SUCO: variants seen among roughly 807,000 people sequenced by gnomAD.
SUCO encodes SUN domain containing ossification factor.
SUCO carries 57 observed loss-of-function variants against 148.1 expected under a neutral mutation model. That is an observed-to-expected ratio of 0.38 (90% CI 0.31 to 0.48). The LOEUF is 0.48. Ranked by LOEUF, SUCO falls within the 20% of genes least tolerant of loss-of-function variation. The pLI is 0.96. For missense variants in SUCO, 1,331 were observed against 1,468.2 expected, an observed-to-expected ratio of 0.91 and a Z score of 1.53; for synonymous variants, 470 against 502.7, an observed-to-expected ratio of 0.93 and a Z score of 0.87.
At chr1:172,571,258 G>A (rs943823918) in intron 9 of SUCO, among the ~76,000 whole-genome samples, 1 of 152,214 alleles carries the variant, frequency 6.6e-6, no homozygotes, top group Non-Finnish European at 1.5e-5. Flanking sequence ...ACGGGGTTTC[G>A]CTGTGTTGGC....
Position 172,588,042 on chromosome 1 carries a change from A to G in SUCO, c.1659-718A>G, listed in dbSNP as rs559121948. On this transcript the variant is annotated intron_variant, in intron 17 of 23. Coordinates refer to ENST00000263688, the MANE Select transcript of SUCO (RefSeq NM_014283.5). ...TTAATAGCAGCACTGTTAGCATATC[A>G]TAAGCCAGAATTGTTATTAAAGTGG... is the stretch of plus-strand genomic sequence containing the variant. 3.9e-5 allele frequency: 38 copies of G among 970,540 alleles called. 1 individual carries two copies. In the South Asian group the frequency reaches 1.1e-3, roughly 28 times the overall value. The allele number at this position is 970,540 out of a possible 1,614,324, so 60.1% of individuals were successfully genotyped here.
intron 1 of SUCO, among the ~76,000 whole-genome samples, chr1:172,534,144 G>C (rs1195379765): frequency 6.6e-6 from 1 of 152,096 alleles, no homozygotes; most frequent in African/African-American, 2.4e-5. Context: ...CCTTAGTGAC[G>C]GGAAGGTAAA....
upstream of SUCO, chr1:172,532,982 G>C (rs183725041): frequency 5.2e-5 from 72 of 1,389,754 alleles, 1 homozygote; most frequent in East Asian, 1.7e-3. Flanking sequence ...CCTGCGCAGA[G>C]GCTGGTGGGG....
Position 172,557,504 on chromosome 1 carries a change from C to A in SUCO, c.581+87C>A, listed in dbSNP as rs1196133855. 9 of 1,547,512 alleles carry A rather than the reference C, an allele frequency of 5.8e-6. No homozygotes were observed. The Middle Eastern group carries it at 8.6e-4, about 148-fold the overall frequency. On this transcript the variant is annotated intron_variant, in intron 5 of 23. Coordinates refer to ENST00000263688, the MANE Select transcript of SUCO (RefSeq NM_014283.5). ...AATGGACTTTGGTGTATGTTAAATT[C>A]CACTTTGATTGAGAGAAAGCTGATC...
chr1:172,555,020 A>G (rs1462022453), intron 3 of SUCO, among the ~76,000 whole-genome samples: 3 of 151,952 alleles, frequency 2.0e-5, no homozygotes, highest in African/African-American at 7.3e-5. Flanking sequence ...AATTCATCAT[A>G]GTCCTTAGTT....
chr1:172,572,333 C>T (rs1295957486), intron 9 of SUCO, among the ~76,000 whole-genome samples: 2 of 151,808 alleles, frequency 1.3e-5, no homozygotes, highest in Non-Finnish European at 1.5e-5. Flanking sequence ...ACACGGGAGA[C>T]TTTTCATTTT....
chr1:172,570,913 A>G (rs1455195139), intron 9 of SUCO, 183 bp downstream of exon 9: 6 of 483,814 alleles, frequency 1.2e-5, no homozygotes, highest in Non-Finnish European at 2.2e-5. Flanking sequence ...CACAAAAAGC[A>G]AAAAATGGCA....
intron 1 of SUCO, chr1:172,550,789 A>G (rs1368926016): frequency 6.0e-6 from 2 of 331,256 alleles, no homozygotes; most frequent in Non-Finnish European, 8.6e-6. Context: ...ACATTGATGG[A>G]TGTATAAGTT....
chr1:172,586,782 C>T (rs577438351), intron 17 of SUCO, among the ~76,000 whole-genome samples: 5 of 152,098 alleles, frequency 3.3e-5, no homozygotes, highest in African/African-American at 1.2e-4. Context: ...GAGAACTATA[C>T]TATTTCAAAA....
At chr1:172,595,318 CATT>C (rs1161650236) in intron 19 of SUCO, among the ~76,000 whole-genome samples, 2 of 152,280 alleles carry the variant, frequency 1.3e-5, no homozygotes, top group Admixed American at 6.5e-5. Flanking sequence ...GTGATCCTGT[CATT>C]ATGATGTTAG....
rs199640710 is a variant in SUCO, at chr1:172,602,146, G to A, written c.3101G>A (p.Arg1034Gln). ...LGLMLCMQRC[R>Q]NTSQFDGDYI... ...CTGATGCTTTGTATGCAGCGTTGTCGAAATACTTCTCAATTTGATGGAGAT... is the reference window on the plus strand; with the variant it reads ...CTGATGCTTTGTATGCAGCGTTGTCAAAATACTTCTCAATTTGATGGAGAT... Residue 1034 changes from arginine to glutamine, a missense_variant, in exon 21 of 24, where the codon CGA becomes CAA. Arg to Gln is a conservative substitution (Grantham distance 43). Transcript: ENST00000263688. 1.1e-5 allele frequency: 17 copies of A among 1,613,442 alleles called. No homozygotes were observed. The highest frequency in any genetic ancestry group is 1.6e-4 in the Middle Eastern group (1 of 6,066).
At chr1:172,596,159 TATTCTAGTTAGCC>T (rs1657082189) in intron 19 of SUCO, among the ~76,000 whole-genome samples, 1 of 152,248 alleles carries the variant, frequency 6.6e-6, no homozygotes, top group African/African-American at 2.4e-5. Context: ...CTATGCTGTT[TATTCTAGTTAGCC>T]ATTCGTCTAA....
At chr1:172,548,348 TAATA>T (rs1653019822) in intron 1 of SUCO, among the ~76,000 whole-genome samples, 1 of 152,004 alleles carries the variant, frequency 6.6e-6, no homozygotes, top group African/African-American at 2.4e-5. Context: ...GAAGTTTGTC[TAATA>T]CTTTCTTCAA....
chr1:172,575,460 A>G (rs1193948201), intron 10 of SUCO, 58 bp from the exon 11 acceptor site: 9 of 1,228,108 alleles, frequency 7.3e-6, no homozygotes, highest in Middle Eastern at 2.0e-4. Context: ...ATATGATAGA[A>G]CCTTTCAATA....
intron 1 of SUCO, chr1:172,544,223 T>C (rs542289859): frequency 1.6e-5 from 10 of 642,768 alleles, no homozygotes; most frequent in Non-Finnish European, 1.9e-5. Flanking sequence ...AAGCAATTCT[T>C]TGTTGCCTAG....
At chr1:172,571,348 G>A (rs1654964405) in intron 9 of SUCO, among the ~76,000 whole-genome samples, 1 of 152,198 alleles carries the variant, frequency 6.6e-6, no homozygotes, top group African/African-American at 2.4e-5. Flanking sequence ...GACGGAGTCT[G>A]GTTCACTCAG....
chr1:172,585,938 C>G lies in SUCO; in HGVS notation c.1648C>G (p.Pro550Ala), dbSNP rs780542936. Residue 550 changes from proline to alanine, a missense_variant, in exon 17 of 24, where the codon CCA (proline) becomes GCA (alanine). Coordinates refer to ENST00000263688, the MANE Select transcript of SUCO (RefSeq NM_014283.5). Reference sequence around the variant, plus strand: ...ATCAACTCCTGTTTCAACTCCTGTTCCATCTCCTGAGTAAGTTATAATGTG... The same window carrying G: ...ATCAACTCCTGTTTCAACTCCTGTTGCATCTCCTGAGTAAGTTATAATGTG... ...PESTPVSTPV[P>A]SPEYVTTEVH... 63 of 1,602,764 alleles carry G rather than the reference C, an allele frequency of 3.9e-5. No homozygotes were observed. In the Middle Eastern group the frequency reaches 5.0e-4, roughly 13 times the overall value.
At chr1:172,540,501 G>A (rs1019633185) in intron 1 of SUCO, among the ~76,000 whole-genome samples, 26 of 152,166 alleles carry the variant, frequency 1.7e-4, no homozygotes, top group African/African-American at 5.8e-4. Flanking sequence ...GGTGAACTCA[G>A]TTTATTTTTT....
chr1:172,534,432 T>G (rs1157086464), intron 1 of SUCO, among the ~76,000 whole-genome samples: 1 of 152,262 alleles, frequency 6.6e-6, no homozygotes, highest in East Asian at 1.9e-4. Flanking sequence ...CTGTTTTGCT[T>G]ATTTCTGCAA....
Sources: gnomAD v4.1 joint callset for allele counts (sites outside exome capture counted in the v4.1 genomes callset) on GRCh38, gnomAD v4.1.1 for gene constraint, MANE v1.5 for transcripts, NCBI Gene and HGNC (gene_info 2026-07-23, HGNC 2026-07-21) for gene names.